TOPBP1: variants seen among roughly 807,000 people sequenced by gnomAD.
TOPBP1 encodes DNA topoisomerase 2-binding protein 1.
Under a neutral mutation model 167.7 loss-of-function variants are expected in TOPBP1, and 28 were observed. The ratio of observed to expected loss-of-function variants is 0.17; its 90% CI spans 0.12 to 0.23. The LOEUF is 0.23. TOPBP1 is among the 10% of genes least tolerant of loss of function. The probability of loss-of-function intolerance (pLI) is 1.00; values close to 1 mark genes in which losing one functional copy is unlikely to be tolerated. For missense variants in TOPBP1, 1,554 were observed against 1,809.6 expected (o/e 0.86, Z 2.56); for synonymous variants, 598 against 611.4 (o/e 0.98, Z 0.32).
chr3:133,632,218 A>G (rs923656562), intron 14 of TOPBP1, among the ~76,000 whole-genome samples: 4 of 151,762 alleles, frequency 2.6e-5, no homozygotes, highest in African/African-American at 9.7e-5. Flanking sequence ...CAGCCTGCCC[A>G]ACACAGTGAA....
rs541456139 is a variant in TOPBP1, at chr3:133,652,734, C to T, written c.923-105G>A. On this transcript the variant is annotated intron_variant, in intron 7 of 27. Coordinates refer to ENST00000260810, the MANE Select transcript of TOPBP1 (RefSeq NM_007027.4). Reference sequence around the variant, plus strand: ...ACAAATATAGGGCAATAAACAACTTCCAAAGTAAGATTCAGGGGTGTTTAC... The same window carrying T: ...ACAAATATAGGGCAATAAACAACTTTCAAAGTAAGATTCAGGGGTGTTTAC... 5.4e-5 allele frequency: 51 copies of T among 939,094 alleles called. No homozygotes were observed. The African/African-American group carries it at 8.0e-4, about 15-fold the overall frequency. The allele number at this position is 939,094 out of a possible 1,614,324, so 58.2% of individuals were successfully genotyped here.
chr3:133,628,193 G>T, intron 16 of TOPBP1, 169 bp downstream of exon 16: 1 of 632,914 alleles, frequency 1.6e-6, no homozygotes, highest in Non-Finnish European at 2.7e-6. Flanking sequence ...ATTGATATGT[G>T]AGAGGCTATT....
chr3:133,604,995 G>A (rs1338614433), intron 27 of TOPBP1, among the ~76,000 whole-genome samples: 1 of 151,614 alleles, frequency 6.6e-6, no homozygotes, highest in Non-Finnish European at 1.5e-5. Context: ...GGGAAGCCGT[G>A]GGGATCACTT....
At chr3:133,611,349 T>C (rs1319155729) in intron 24 of TOPBP1, among the ~76,000 whole-genome samples, 1 of 152,244 alleles carries the variant, frequency 6.6e-6, no homozygotes, top group East Asian at 1.9e-4. Context: ...ATATTTGGCT[T>C]TTAATTAGAA....
intron 8 of TOPBP1, among the ~76,000 whole-genome samples, chr3:133,650,874 C>G (rs1936269209): frequency 6.6e-6 from 1 of 152,068 alleles, no homozygotes; most frequent in Non-Finnish European, 1.5e-5. Flanking sequence ...TCTGGGAGGC[C>G]AAGGTGGGCA....
intron 14 of TOPBP1, among the ~76,000 whole-genome samples, chr3:133,636,647 A>G (rs560878210): frequency 1.0e-3 from 154 of 152,312 alleles, no homozygotes; most frequent in African/African-American, 3.6e-3. Flanking sequence ...CAATGACTGA[A>G]AATATCTCTA....
At chr3:133,645,028 C>G (rs1426961746) in intron 10 of TOPBP1, among the ~76,000 whole-genome samples, 2 of 152,210 alleles carry the variant, frequency 1.3e-5, no homozygotes, top group Non-Finnish European at 2.9e-5. Flanking sequence ...GGTTATGTAA[C>G]TTGCCTAAGG....
At chr3:133,626,795 A>C (rs1935285267) in intron 16 of TOPBP1, among the ~76,000 whole-genome samples, 1 of 152,224 alleles carries the variant, frequency 6.6e-6, no homozygotes, top group Non-Finnish European at 1.5e-5. Context: ...TATGCATCAC[A>C]GAGTGCTATA....
At chr3:133,627,338 C>T (rs1935301075) in intron 16 of TOPBP1, among the ~76,000 whole-genome samples, 1 of 152,028 alleles carries the variant, frequency 6.6e-6, no homozygotes, top group Non-Finnish European at 1.5e-5. Flanking sequence ...AAAATATACA[C>T]ACACCCCTTG....
Position 133,600,589 on chromosome 3 carries a change from A to G in TOPBP1, c.*661T>C, listed in dbSNP as rs1368624798. On this transcript the variant is annotated 3_prime_UTR_variant, in exon 28 of 28. Transcript: ENST00000260810. ...ATAAATGTTTTGTTGCTTCAACAGA[A>G]GAACAGATGCCAGGGTGCTCTTTTA... The G allele has an allele frequency of 6.5e-6, 1 of 152,682 alleles. No homozygotes were observed. Among genetic ancestry groups the G allele is most frequent in the Non-Finnish European group, 1.5e-5 (1 of 68,052 alleles). 9.5% of individuals were successfully genotyped at this position (152,682 alleles called of 1,614,324 possible). A position where few individuals can be genotyped will look rare whatever the true frequency, so the allele number is the denominator to read the frequency against.
intron 6 of TOPBP1, 81 bp downstream of exon 6, chr3:133,655,205 AAAAT>A (rs772949512): frequency 9.2e-4 from 826 of 898,164 alleles, no homozygotes; most frequent in East Asian, 1.9e-3. Context: ...ACTCTGTCTC[AAAAT>A]AAATAAATAA....
chr3:133,658,916 G>A (rs1936581973), intron 3 of TOPBP1, 100 bp downstream of exon 3: 1 of 1,276,568 alleles, frequency 7.8e-7, no homozygotes, highest in Non-Finnish European at 1.0e-6. Flanking sequence ...GTACTCATAA[G>A]TTGCATAGTA....
intron 14 of TOPBP1, among the ~76,000 whole-genome samples, chr3:133,637,041 A>G (rs1266368133): frequency 1.3e-5 from 2 of 152,172 alleles, no homozygotes; most frequent in Non-Finnish European, 2.9e-5. Flanking sequence ...GATATCAATT[A>G]ATATTTATTT....
chr3:133,616,281 C>T lies in TOPBP1; in HGVS notation c.3871+533G>A, dbSNP rs898144861. On this transcript the variant is annotated intron_variant, in intron 23 of 27. Transcript: ENST00000260810. ...ATCACAGGCATGTGCCTCTACGTCT[C>T]GCAAATTTTTTTGTATTTTTAGTAG... Among the ~76,000 whole-genome samples, 89 of 147,554 alleles carry T rather than the reference C, an allele frequency of 6.0e-4. 1 individual carries two copies. The highest frequency in any genetic ancestry group is 3.5e-3 in the Middle Eastern group (1 of 282).
chr3:133,633,744 T>A (rs566603274), intron 14 of TOPBP1, among the ~76,000 whole-genome samples: 2 of 152,328 alleles, frequency 1.3e-5, no homozygotes, highest in East Asian at 3.9e-4. Flanking sequence ...TGGGCTGTGA[T>A]CATGCCACTA....
chr3:133,643,331 C>T lies in TOPBP1; in HGVS notation c.1890G>A (p.Ser630=), dbSNP rs760775832. The change falls in exon 12 of 28, where the codon TCG becomes TCA. Residue 630 remains serine (S), a synonymous_variant. Transcript: ENST00000260810. ...CTGGAACTGGTGTGAAGAGAGGATT[C>T]GACTTTGGATCAAACAAAGTCTGAT... ...IDYQTLFDPK[S]NPLFTPVPVM... 41 of 1,608,408 alleles carry T rather than the reference C, an allele frequency of 2.5e-5. No individual in the cohort carries two copies. Among genetic ancestry groups the T allele is most frequent in the Middle Eastern group, 1.7e-4 (1 of 6,034 alleles).
chr3:133,654,081 G>A (rs1201594685), intron 6 of TOPBP1, among the ~76,000 whole-genome samples: 1 of 152,174 alleles, frequency 6.6e-6, no homozygotes, highest in African/African-American at 2.4e-5. Context: ...TATGCCATGT[G>A]AGAGGTTTTA....
At chr3:133,660,896 A>G (rs77533208) in intron 2 of TOPBP1, 148 bp downstream of exon 2, 10,931 of 559,388 alleles carry the variant, frequency 0.02, 172 homozygotes, top group Non-Finnish European at 0.024. Flanking sequence ...ATTCAAAAAT[A>G]TGTGATAATG....
chr3:133,612,394 C>A lies in TOPBP1; in HGVS notation c.4030G>T (p.Val1344Leu), dbSNP rs757608581. The A allele has an allele frequency of 1.9e-6, 3 of 1,613,742 alleles. No individual in the cohort carries two copies. Among genetic ancestry groups the A allele is most frequent in the South Asian group, 1.1e-5 (1 of 91,064 alleles). Residue 1344 changes from valine (V) to leucine (L), a missense_variant, in exon 24 of 28, where the codon GTG becomes TTG. Coordinates refer to ENST00000260810, the MANE Select transcript of TOPBP1 (RefSeq NM_007027.4). ...LEACRTAGHF[V>L]QEEDYEWGSS... Reference sequence around the variant, plus strand: ...CCACAAATCTGAATACACACCTGCACGAAGTGTCCAGCAGTCCTGCAGGCT... The same window carrying A: ...CCACAAATCTGAATACACACCTGCAAGAAGTGTCCAGCAGTCCTGCAGGCT...
Sources: gnomAD v4.1 joint callset for allele counts (sites outside exome capture counted in the v4.1 genomes callset) on GRCh38, gnomAD v4.1.1 for gene constraint, MANE v1.5 for transcripts, NCBI Gene and HGNC (gene_info 2026-07-23, HGNC 2026-07-21) for gene names.